Variants in LDHAL6A observed in about 807,000 individuals in gnomAD.
LDHAL6A encodes the protein lactate dehydrogenase A like 6A.
Under a neutral mutation model 28.2 loss-of-function variants are expected in LDHAL6A, and 19 were observed. That is an observed-to-expected ratio of 0.67 (90% confidence interval 0.47 to 0.99). The LOEUF (loss-of-function observed/expected upper bound fraction) is 0.99, where lower values mean the gene tolerates loss of function less well. Ranked by LOEUF, LDHAL6A falls within the 50% of genes least tolerant of loss-of-function variation. The probability of loss-of-function intolerance (pLI) is 0.00; values close to 1 mark genes in which losing one functional copy is unlikely to be tolerated. For synonymous variants in LDHAL6A, 144 were observed against 134.4 expected, an observed-to-expected ratio of 1.07 and a Z score of -0.49; for missense variants, 372 against 398.6, an observed-to-expected ratio of 0.93 and a Z score of 0.57.
intron 5 of LDHAL6A, among the ~76,000 whole-genome samples, 168 bp from the exon 6 acceptor site, chr11:18,477,452 T>TAAAAAA: frequency 6.9e-6 from 1 of 144,432 alleles, no homozygotes; most frequent in Admixed American, 6.9e-5. Flanking sequence ...GAGCAAGACT[T>TAAAAAA]AAAAAAAAAA....
At chr11:18,465,850 G>A (rs774124979) in intron 3 of LDHAL6A, 40 bp downstream of exon 3, 1 of 1,512,248 alleles carries the variant, frequency 6.6e-7, no homozygotes, top group South Asian at 1.2e-5. Flanking sequence ...TTTAGATTCG[G>A]GGGTACACTG....
At chr11:18,464,968 G>GTTTTTTTTTTTTTTTTTTT (rs1565068644) in intron 2 of LDHAL6A, among the ~76,000 whole-genome samples, 10 of 3,786 alleles carry the variant, frequency 2.6e-3, no homozygotes, top group African/African-American at 4.6e-3. Context: ...GAGGTGAGGT[G>GTTTTTTTTTTTTTTTTTTT]TTTTTTTTGT....
chr11:18,477,486 A>G, intron 5 of LDHAL6A, 134 bp from the exon 6 acceptor site: 1 of 768,986 alleles, frequency 1.3e-6, no homozygotes, highest in Non-Finnish European at 2.0e-6. Context: ...AAATGCATAC[A>G]TACTACAAGT....
chr11:18,465,353 C>G (rs1849037082), intron 2 of LDHAL6A, among the ~76,000 whole-genome samples: 2 of 151,460 alleles, frequency 1.3e-5, no homozygotes, highest in Non-Finnish European at 2.9e-5. Context: ...GAACTCCTAA[C>G]CTCATTTGAT....
At chr11:18,465,593 A>G in intron 2 of LDHAL6A, 44 bp from the exon 3 acceptor site, 1 of 1,527,520 alleles carries the variant, frequency 6.5e-7, no homozygotes, top group Non-Finnish European at 9.0e-7. Flanking sequence ...TAAATGCCAG[A>G]TGTTTTCTTT....
At chr11:18,471,762 TAAAAAAA>T (rs755779286) in intron 3 of LDHAL6A, among the ~76,000 whole-genome samples, 1 of 119,002 alleles carries the variant, frequency 8.4e-6, no homozygotes, top group Non-Finnish European at 1.7e-5. Flanking sequence ...CTGTCTCTAT[TAAAAAAA>T]AAAAAAAAAA....
Position 18,456,702 on chromosome 11 carries a change from C to G in LDHAL6A, c.22C>G (p.Leu8Val). The change falls in exon 1 of 7, where the codon CTT (leucine) becomes GTT (valine). Residue 8 changes from leucine (L) to valine (V), a missense_variant. Leu to Val is a conservative substitution (Grantham distance 32). Transcript: ENST00000280706. ...CAAGATGGCAACTATCAAGAGTGAA[C>G]TTATTAAGAATTTCGCGGAAGAGGA... MATIKSELIKNFAEEEAI... is the reference protein window; with the variant it reads MATIKSEVIKNFAEEEAI... 2 of 1,613,924 alleles carry G rather than the reference C, an allele frequency of 1.2e-6. No individual in the cohort carries two copies. Among genetic ancestry groups the G allele is most frequent in the Non-Finnish European group, 1.7e-6 (2 of 1,179,882 alleles).
At chr11:18,465,359 T>C (rs911598931) in intron 2 of LDHAL6A, among the ~76,000 whole-genome samples, 1 of 151,856 alleles carries the variant, frequency 6.6e-6, no homozygotes, top group Non-Finnish European at 1.5e-5. Context: ...CTAACCTCAT[T>C]TGATGGACCC....
chr11:18,456,455 C>T lies in LDHAL6A; in HGVS notation c.-226C>T. The T allele has an allele frequency of 1.9e-6, 1 of 516,374 alleles. No homozygotes were observed. Among genetic ancestry groups the T allele is most frequent in the Non-Finnish European group, 3.4e-6 (1 of 291,864 alleles). The allele number at this position is 516,374 out of a possible 1,614,324, so 32.0% of individuals were successfully genotyped here. A position where few individuals can be genotyped will look rare whatever the true frequency, so the allele number is the denominator to read the frequency against. ...TTAACTGTACTCACGCTTCCTTCTC[C>T]TTCCCCTGGTCCGCTTCATGGATGC... On this transcript the variant is annotated 5_prime_UTR_variant, in exon 1 of 7. Coordinates refer to ENST00000280706, the MANE Select transcript of LDHAL6A (RefSeq NM_144972.5).
chr11:18,476,697 C>T (rs905257279), intron 5 of LDHAL6A, 196 bp downstream of exon 5: 2 of 827,492 alleles, frequency 2.4e-6, no homozygotes, highest in Non-Finnish European at 2.9e-6. Context: ...GTTGCTTATT[C>T]CTGAGCCTAA....
At chr11:18,461,001 C>A (rs1848887269) in intron 1 of LDHAL6A, among the ~76,000 whole-genome samples, 1 of 152,262 alleles carries the variant, frequency 6.6e-6, no homozygotes, top group East Asian at 1.9e-4. Flanking sequence ...CCATGCCCAG[C>A]TAATTTTTGT....
In LDHAL6A at chr11:18,456,560, C is replaced by CCA. The variant is rs199978025; in HGVS notation, c.-117_-116dup. The CCA allele has an allele frequency of 2.2e-5, 17 of 775,118 alleles. 1 individual carries two copies. In the African/African-American group the frequency reaches 2.7e-4, roughly 12 times the overall value. 48.0% of individuals were successfully genotyped at this position (775,118 alleles called of 1,614,324 possible). ...TTTTGTGTGTCTGCAGCACCTCCTT[C>CCA]CACACGGGCCCAGGAGTTCTCTATA... On this transcript the variant is annotated 5_prime_UTR_variant, in exon 1 of 7. The change creates a premature stop within an existing upstream ORF in the 5' untranslated region. Transcript: ENST00000280706.
Position 18,465,688 on chromosome 11 carries a change from GC to G in LDHAL6A, c.298del (p.Gln100ArgfsTer10). The G allele has an allele frequency of 6.2e-7, 1 of 1,613,886 alleles. No individual in the cohort carries two copies. Among genetic ancestry groups the G allele is most frequent in the Non-Finnish European group, 8.5e-7 (1 of 1,179,918 alleles). On this transcript the variant is annotated frameshift_variant, in exon 3 of 7. Coordinates refer to ENST00000280706, the MANE Select transcript of LDHAL6A (RefSeq NM_144972.5). LOFTEE classifies it high-confidence loss of function. ...CTAGTGATTATCACAGCAGGTGCACGCCAGAAAAAAGGAGAAACACGCCTTG... is the reference window on the plus strand; with the variant it reads ...CTAGTGATTATCACAGCAGGTGCACGCAGAAAAAAGGAGAAACACGCCTTG... ...SNLVIITAGA[R>X]QKKGETRLDL...
At chr11:18,464,977 G>GTTTTGTTTTTTTTT (rs1849014648) in intron 2 of LDHAL6A, among the ~76,000 whole-genome samples, 1 of 125,490 alleles carries the variant, frequency 8.0e-6, no homozygotes, top group Non-Finnish European at 1.6e-5. Context: ...TGTTTTTTTT[G>GTTTTGTTTTTTTTT]TTTTTTTTTG....
At chr11:18,465,560 T>C (rs1311950572) in intron 2 of LDHAL6A, 77 bp from the exon 3 acceptor site, 5 of 1,210,638 alleles carry the variant, frequency 4.1e-6, no homozygotes, top group African/African-American at 3.0e-5. Flanking sequence ...AGTGTGGTGA[T>C]TGAAGTGAAC....
Position 18,477,602 on chromosome 11 carries a change from G to C in LDHAL6A, c.711-18G>C. The C allele has an allele frequency of 6.3e-7, 1 of 1,582,456 alleles. No homozygotes were observed. ...CAAGTGCATCTTAACTTATGTTTAT[G>C]GTTTCTTCTATCTACAGTGGCTATG... On this transcript the variant is annotated intron_variant, in intron 5 of 6. Coordinates refer to ENST00000280706, the MANE Select transcript of LDHAL6A (RefSeq NM_144972.5).
At chr11:18,462,838 AAAAAAC>A (rs990675691) in intron 1 of LDHAL6A, among the ~76,000 whole-genome samples, 36 of 151,686 alleles carry the variant, frequency 2.4e-4, no homozygotes, top group South Asian at 1.2e-3. Flanking sequence ...CCATCTCAAA[AAAAAAC>A]AAAAACAAAA....
At chr11:18,462,944 G>T (rs59078605) in intron 1 of LDHAL6A, among the ~76,000 whole-genome samples, 4 of 106,012 alleles carry the variant, frequency 3.8e-5, no homozygotes, top group Non-Finnish European at 7.6e-5. Context: ...TCAGTTTCTT[G>T]TATTTCTAGT....
intron 3 of LDHAL6A, chr11:18,468,495 C>A (rs1298789637): frequency 6.6e-6 from 1 of 152,030 alleles, no homozygotes; most frequent in Non-Finnish European, 1.5e-5. Flanking sequence ...CCCACCACCA[C>A]TCCTGGCTAA....
Sources: allele counts gnomAD v4.1 joint callset (sites outside exome capture counted in the v4.1 genomes callset), GRCh38; gene constraint gnomAD v4.1.1; transcripts MANE v1.5; gene names NCBI Gene and HGNC (gene_info 2026-07-23, HGNC 2026-07-21).